The following EIF3H variants were observed in gnomAD, a reference collection of about 807,000 sequenced individuals.
EIF3H encodes the protein eukaryotic translation initiation factor 3 subunit H, also known as eIF-3-gamma.
In EIF3H, 26 loss-of-function variants were observed where a neutral mutation model predicts 44.2. The ratio of observed to expected loss-of-function variants is 0.59; its 90% CI spans 0.43 to 0.82. The LOEUF is 0.82. Among genes scored for constraint, EIF3H ranks in the 40% least tolerant of loss-of-function variants. The probability of loss-of-function intolerance (pLI) is 0.00; values close to 1 mark genes in which losing one functional copy is unlikely to be tolerated. For synonymous variants in EIF3H, 166 were observed against 151.9 expected (o/e 1.09, Z -0.68); for missense variants, 359 against 432.8 (o/e 0.83, Z 1.51).
rs190131080 is a variant in EIF3H at position 116,762,302 on chromosome 8, C to T, written c.-27+3213G>A. Among the ~76,000 whole-genome samples, 641 of 152,180 alleles carry T rather than the reference C, an allele frequency of 4.2e-3. 7 individuals are homozygous for T. Among genetic ancestry groups the T allele is most frequent in the African/African-American group, 0.015 (604 of 41,532 alleles). Reference sequence around the variant, plus strand: ...AAAACCAAGGTAGAAGTTTATTTTTCTTCTCATGTAAAAGAAATCCAGAAG... The same window carrying T: ...AAAACCAAGGTAGAAGTTTATTTTTTTTCTCATGTAAAAGAAATCCAGAAG... On this transcript the variant is annotated intron_variant, in intron 1 of 9. Coordinates refer to the EIF3H transcript ENST00000276682.
chr8:116,691,519 C>T (rs1814173563), intron 2 of EIF3H, among the ~76,000 whole-genome samples: 1 of 151,638 alleles, frequency 6.6e-6, no homozygotes, highest in Non-Finnish European at 1.5e-5. Flanking sequence ...TAAATTTTGC[C>T]TCAAAATACC....
At chr8:116,679,275 G>T (rs1248446373) in intron 2 of EIF3H, among the ~76,000 whole-genome samples, 2 of 47,108 alleles carry the variant, frequency 4.2e-5, no homozygotes, top group African/African-American at 5.5e-5. Context: ...CCGGCCAGCC[G>T]CCCCGTCCGG....
chr8:116,747,071 T>TG (rs1466742430), intron 1 of EIF3H, among the ~76,000 whole-genome samples: 2 of 147,438 alleles, frequency 1.4e-5, no homozygotes, highest in East Asian at 4.8e-4. Flanking sequence ...TTTGTTTTTT[T>TG]GTTTTTTTTG....
chr8:116,718,882 A>AAT (rs1279665421), intron 2 of EIF3H, among the ~76,000 whole-genome samples: 11 of 151,634 alleles, frequency 7.3e-5, no homozygotes, highest in Non-Finnish European at 1.5e-4. Context: ...ATTGAAATAA[A>AAT]ATATATATAT....
rs745761398 is a variant in EIF3H at position 116,726,221 on chromosome 8, T to C, written c.133-49A>G. On this transcript the variant is annotated intron_variant, in intron 1 of 7. Transcript: ENST00000521861. Reference sequence around the variant, plus strand: ...GAGCTTAACAACCATCCTAGTTTATTATTTCCTTTATTTCTAAGAAAAAAC... The same window carrying C: ...GAGCTTAACAACCATCCTAGTTTATCATTTCCTTTATTTCTAAGAAAAAAC... The C allele has an allele frequency of 7.9e-6, 12 of 1,524,344 alleles. No homozygotes were observed. The South Asian group carries it at 1.6e-4, about 20-fold the overall frequency. The allele number at this position is 1,524,344 out of a possible 1,614,324, so 94.4% of individuals were successfully genotyped here.
intron 2 of EIF3H, among the ~76,000 whole-genome samples, chr8:116,716,281 T>C (rs1337040732): frequency 2.0e-5 from 3 of 152,112 alleles, no homozygotes; most frequent in African/African-American, 7.2e-5. Context: ...CCCAGGTTTT[T>C]TGGCCTCATA....
chr8:116,751,177 A>T (rs1019742219), intron 1 of EIF3H, among the ~76,000 whole-genome samples: 1 of 151,912 alleles, frequency 6.6e-6, no homozygotes, highest in Non-Finnish European at 1.5e-5. Context: ...GCGCCACTGC[A>T]CTCCAGCCTG....
chr8:116,658,667 T>A, intron 3 of EIF3H, 146 bp downstream of exon 3: 4 of 696,448 alleles, frequency 5.7e-6, no homozygotes, highest in Non-Finnish European at 6.9e-6. Flanking sequence ...CTGTCTAGAC[T>A]GAGCTGCTGC....
chr8:116,688,794 T>G (rs1814124028), intron 2 of EIF3H, among the ~76,000 whole-genome samples: 1 of 152,198 alleles, frequency 6.6e-6, no homozygotes, highest in African/African-American at 2.4e-5. Flanking sequence ...CAAAAAGTTT[T>G]TAAATAGAAT....
chr8:116,672,652 A>C (rs986531706), intron 2 of EIF3H, among the ~76,000 whole-genome samples: 1 of 152,022 alleles, frequency 6.6e-6, no homozygotes, highest in African/African-American at 2.4e-5. Flanking sequence ...AAAAGAAAAA[A>C]AAAACTTGAA....
intron 5 of EIF3H, among the ~76,000 whole-genome samples, chr8:116,654,770 GATCA>G (rs1813459876): frequency 1.3e-5 from 2 of 152,072 alleles, no homozygotes; most frequent in African/African-American, 4.8e-5. Context: ...TGGCCTTTGT[GATCA>G]ATTAACGCAA....
At chr8:116,702,593 G>C (rs1814396028) in intron 2 of EIF3H, among the ~76,000 whole-genome samples, 2 of 152,090 alleles carry the variant, frequency 1.3e-5, no homozygotes, top group Admixed American at 1.3e-4. Flanking sequence ...ACAGTGTCTA[G>C]CATAGTAGGG....
intron 2 of EIF3H, among the ~76,000 whole-genome samples, chr8:116,681,365 G>T (rs1171903349): frequency 1.3e-5 from 2 of 150,086 alleles, no homozygotes; most frequent in East Asian, 4.0e-4. Flanking sequence ...CTGTCTAAAA[G>T]AAAAGGTACA....
chr8:116,758,847 T>C (rs948839895), upstream of EIF3H, among the ~76,000 whole-genome samples: 7 of 152,080 alleles, frequency 4.6e-5, no homozygotes, highest in African/African-American at 1.7e-4. Flanking sequence ...ATATAAAATA[T>C]TAAAATGTGT....
chr8:116,740,504 CT>C (rs911960627), intron 1 of EIF3H, among the ~76,000 whole-genome samples: 1 of 152,044 alleles, frequency 6.6e-6, no homozygotes, highest in African/African-American at 2.4e-5. Context: ...TAAAAACAAA[CT>C]TTTTTCAGCA....
upstream of EIF3H, among the ~76,000 whole-genome samples, chr8:116,759,597 C>T (rs1225744929): frequency 6.6e-6 from 1 of 152,116 alleles, no homozygotes; most frequent in Non-Finnish European, 1.5e-5. Flanking sequence ...TGTTAAATGT[C>T]ATTTTATTAC....
At chr8:116,657,600 C>T (rs542270637) in intron 3 of EIF3H, 18 of 381,288 alleles carry the variant, frequency 4.7e-5, no homozygotes, top group South Asian at 4.2e-4. Flanking sequence ...GAACTAGTAA[C>T]CTTGCTGAAA....
chr8:116,735,027 A>G (rs1386766247), intron 1 of EIF3H, among the ~76,000 whole-genome samples: 1 of 152,216 alleles, frequency 6.6e-6, no homozygotes, highest in East Asian at 1.9e-4. Context: ...GGTCAGGGTC[A>G]ATCTTTACCT....
At chr8:116,698,487 AAAT>A (rs1428347159) in intron 2 of EIF3H, among the ~76,000 whole-genome samples, 2 of 152,200 alleles carry the variant, frequency 1.3e-5, no homozygotes, top group East Asian at 3.9e-4. Flanking sequence ...AAACAGATCT[AAAT>A]AATGTCATGA....
Sources: gnomAD v4.1 joint callset for allele counts (sites outside exome capture counted in the v4.1 genomes callset) on GRCh38, gnomAD v4.1.1 for gene constraint, MANE v1.5 for transcripts, NCBI Gene and HGNC (gene_info 2026-07-23, HGNC 2026-07-21) for gene names.